The following ARHGEF18 variants were observed in gnomAD, a reference collection of about 807,000 sequenced individuals.
The protein encoded by ARHGEF18 is rho guanine nucleotide exchange factor 18.
ARHGEF18 carries 93 observed loss-of-function variants against 155.7 expected under a neutral mutation model. That is an observed-to-expected ratio of 0.60 (90% confidence interval 0.50 to 0.71). The LOEUF is 0.71. ARHGEF18 is among the 30% of genes least tolerant of loss of function. The pLI is 0.00. For synonymous variants in ARHGEF18, 742 were observed against 753.1 expected, an observed-to-expected ratio of 0.99 and a Z score of 0.24; for missense variants, 1,593 against 1,816.1, an observed-to-expected ratio of 0.88 and a Z score of 2.23.
intron 8 of ARHGEF18, among the ~76,000 whole-genome samples, chr19:7,382,138 C>T (rs1389235764): frequency 3.3e-5 from 5 of 152,040 alleles, no homozygotes; most frequent in East Asian, 3.9e-4. Context: ...TAGGGCCGGG[C>T]GTGGTGGCTC....
chr19:7,453,205 TC>T (rs11366609), intron 16 of ARHGEF18, among the ~76,000 whole-genome samples: 2,446 of 128,034 alleles, frequency 0.019, 67 homozygotes, highest in African/African-American at 0.065. Flanking sequence ...CACCCTACCC[TC>T]CCCCCCCCAA....
In ARHGEF18 at chr19:7,363,721, AAGAT is replaced by A. The variant is rs923049756; in HGVS notation, c.15+817_15+820del. On this transcript the variant is annotated intron_variant, in intron 2 of 28. Transcript: ENST00000668164. ...TGTGAGTGGAAGGAAGGAAGGAAGAAAGATGGATGGGTGAAAGGAAGGAAGATGG... is the reference window on the plus strand; with the variant it reads ...TGTGAGTGGAAGGAAGGAAGGAAGAAGGATGGGTGAAAGGAAGGAAGATGG... Among the ~76,000 whole-genome samples the A allele has an allele frequency of 1.2e-3, 183 of 146,696 alleles. 1 individual carries two copies. The highest frequency in any genetic ancestry group is 4.6e-3 in the African/African-American group (180 of 39,440).
intron 1 of ARHGEF18, among the ~76,000 whole-genome samples, chr19:7,358,292 TCCAC>T (rs1969407202): frequency 6.7e-6 from 1 of 149,928 alleles, no homozygotes; most frequent in Non-Finnish European, 1.5e-5. Context: ...CATCCATCCA[TCCAC>T]TCTTCCATCC....
rs770438873 is a variant in ARHGEF18, at chr19:7,470,044, C to G, written c.3913+15C>G. 1.6e-5 allele frequency: 26 copies of G among 1,612,424 alleles called. No individual in the cohort carries two copies. The highest frequency in any genetic ancestry group is 2.1e-5 in the Non-Finnish European group (25 of 1,179,688). ...GCCCCCACCAGGTGAGCCCCCACCC[C>G]CTGACATGAGCCCAGTCCCAGGGCA... On this transcript the variant is annotated intron_variant, in intron 28 of 28. Coordinates refer to ENST00000668164, the MANE Select transcript of ARHGEF18 (RefSeq NM_001367823.1). This position sits in a 1 kb window ranked among gnomAD's most constrained non-coding sequence, Gnocchi z 5.9.
In ARHGEF18 at chr19:7,416,759, C is replaced by T. The variant is rs1396001049; in HGVS notation, c.968-23585C>T. The stretch of plus-strand genomic sequence containing the variant: ...CTGGGACTACAGGTGCCCGCCACCA[C>T]GCCCAGCTAATTTTTTGTATTTTTA... On this transcript the variant is annotated intron_variant, in intron 10 of 28. Transcript: ENST00000668164. 4.7e-5 allele frequency among the ~76,000 whole-genome samples: 7 copies of T among 147,406 alleles called. No homozygotes were observed. The South Asian group carries it at 9.2e-4, about 19-fold the overall frequency.
chr19:7,443,452 C>G (rs184859485), intron 13 of ARHGEF18, among the ~76,000 whole-genome samples: 40 of 152,200 alleles, frequency 2.6e-4, no homozygotes, highest in African/African-American at 9.4e-4. Flanking sequence ...CTGCTCACCT[C>G]GGCCTCCCAG....
chr19:7,465,408 C>CT (rs397859513), intron 23 of ARHGEF18, among the ~76,000 whole-genome samples: 44,340 of 133,882 alleles, frequency 0.33, 7,796 homozygotes, highest in Middle Eastern at 0.5. Flanking sequence ...GGGAGGATCA[C>CT]TTTTTTTTTT....
At position 7,366,693 on chromosome 19, in the gene ARHGEF18, T is replaced by A. The variant is rs74255768; in HGVS notation, c.15+3788T>A. On this transcript the variant is annotated intron_variant, in intron 2 of 28. Coordinates refer to ENST00000668164, the MANE Select transcript of ARHGEF18 (RefSeq NM_001367823.1). ...ATGAGGACAGGGGAGACTGTGTGAT[T>A]CCATTTGGGGTTGTCAGAGGCTTGC... 4.4e-3 allele frequency among the ~76,000 whole-genome samples: 664 copies of A among 152,322 alleles called. 30 individuals are homozygous for A. The East Asian group carries it at 0.11, about 24-fold the overall frequency.
At chr19:7,445,866 G>A (rs933112045) in intron 14 of ARHGEF18, among the ~76,000 whole-genome samples, 41 of 151,994 alleles carry the variant, frequency 2.7e-4, no homozygotes, top group Non-Finnish European at 5.4e-4. Context: ...CAGGTGATCC[G>A]CCTGCCTCAG....
At chr19:7,446,236 G>C (rs1447285711) in intron 14 of ARHGEF18, among the ~76,000 whole-genome samples, 1 of 151,650 alleles carries the variant, frequency 6.6e-6, no homozygotes, top group Non-Finnish European at 1.5e-5. Flanking sequence ...AGCCAGGTGT[G>C]GTGGTGGCAC....
chr19:7,352,531 CTTTT>C (rs35219215), intron 1 of ARHGEF18, among the ~76,000 whole-genome samples: 3 of 93,188 alleles, frequency 3.2e-5, no homozygotes, highest in Non-Finnish European at 5.6e-5. Context: ...CCTAGGTTTC[CTTTT>C]TTTTTTTTTT....
intron 26 of ARHGEF18, among the ~76,000 whole-genome samples, chr19:7,468,446 CTGAGGCAGGGGGATCATT>C (rs1976800925): frequency 6.6e-6 from 1 of 152,080 alleles, no homozygotes; most frequent in African/African-American, 2.4e-5. Flanking sequence ...ACTTGGGAGG[CTGAGGCAGGGGGATCATT>C]TGAGCCCAAG....
intron 2 of ARHGEF18, among the ~76,000 whole-genome samples, chr19:7,370,852 C>T (rs558242528): frequency 2.0e-5 from 3 of 151,782 alleles, no homozygotes; most frequent in African/African-American, 4.8e-5. Context: ...TGATTCCACT[C>T]GTAGGAGGTC....
Position 7,395,793 on chromosome 19 carries a change from A to T in ARHGEF18, c.967+12590A>T, listed in dbSNP as rs1296232572. 6.6e-6 allele frequency among the ~76,000 whole-genome samples: 1 copy of T among 152,134 alleles called. No individual in the cohort carries two copies. Among genetic ancestry groups the T allele is most frequent in the African/African-American group, 2.4e-5 (1 of 41,438 alleles). ...AGTTGGTGCTTTCATTGCGGACGGGAACGAGAAGCTTTCCCCTGGTCCTTA... is the reference window on the plus strand; with the variant it reads ...AGTTGGTGCTTTCATTGCGGACGGGTACGAGAAGCTTTCCCCTGGTCCTTA... On this transcript the variant is annotated intron_variant, in intron 10 of 28. Transcript: ENST00000668164. The surrounding 1 kb of genome is among the most constrained non-coding windows in gnomAD (Gnocchi z 5.0).
intron 5 of ARHGEF18, among the ~76,000 whole-genome samples, chr19:7,377,307 G>T (rs1317649920): frequency 2.0e-5 from 3 of 152,082 alleles, no homozygotes; most frequent in Non-Finnish European, 4.4e-5. Context: ...CTGGCCTCTA[G>T]TGATCGGCCC....
At chr19:7,397,097 GAAAA>G (rs35973104) in intron 10 of ARHGEF18, among the ~76,000 whole-genome samples, 6,551 of 62,270 alleles carry the variant, frequency 0.11, 191 homozygotes, top group South Asian at 0.16. Flanking sequence ...GCCTTTTTGC[GAAAA>G]AAAAAAAAAA....
chr19:7,445,275 G>T (rs561785328), intron 14 of ARHGEF18, among the ~76,000 whole-genome samples: 1 of 152,064 alleles, frequency 6.6e-6, no homozygotes, highest in Non-Finnish European at 1.5e-5. Context: ...GCAAGACCCC[G>T]TATCTACAAA....
At chr19:7,460,126 A>G in intron 20 of ARHGEF18, 132 bp downstream of exon 20, 3 of 824,584 alleles carry the variant, frequency 3.6e-6, no homozygotes, top group East Asian at 5.7e-5. Flanking sequence ...CATGTCCTGC[A>G]GCTCTGTGAA....
At chr19:7,478,028 CAAAAAG>C in the ARHGEF18 span, among the ~76,000 whole-genome samples, 1 of 152,088 alleles carries the variant, frequency 6.6e-6, no homozygotes, top group Non-Finnish European at 1.5e-5. Flanking sequence ...TCTCAAAAAA[CAAAAAG>C]AAAAAGCAAC....
Sources: allele counts gnomAD v4.1 joint callset (sites outside exome capture counted in the v4.1 genomes callset), GRCh38; gene constraint gnomAD v4.1.1; non-coding constraint Gnocchi (gnomAD v3.1); transcripts MANE v1.5; gene names NCBI Gene and HGNC (gene_info 2026-07-23, HGNC 2026-07-21).